Variants in WDPCP observed in about 807,000 individuals in gnomAD.
The protein encoded by WDPCP is WD repeat-containing and planar cell polarity effector protein fritz homolog.
In WDPCP, 71 loss-of-function variants were observed where a neutral mutation model predicts 93.1. The observed-to-expected ratio is 0.76, with a 90% CI of 0.63 to 0.93. The LOEUF (loss-of-function observed/expected upper bound fraction) is 0.93. WDPCP is among the 40% of genes least tolerant of loss of function. WDPCP has a pLI of 0.00. For synonymous variants in WDPCP, 315 were observed against 315.0 expected (o/e 1.00, Z 0.00); for missense variants, 844 against 887.4 (o/e 0.95, Z 0.62).
intron 12 of WDPCP, among the ~76,000 whole-genome samples, chr2:63,329,335 T>G (rs1181137505): frequency 6.6e-6 from 1 of 152,218 alleles, no homozygotes; most frequent in Non-Finnish European, 1.5e-5. Flanking sequence ...TGCTCCGGGT[T>G]CATCCATGTT....
chr2:63,339,942 A>G (rs1034850250), intron 12 of WDPCP, among the ~76,000 whole-genome samples: 2 of 152,092 alleles, frequency 1.3e-5, no homozygotes, highest in African/African-American at 4.8e-5. Context: ...TTTGCCATCT[A>G]TTGAAATAAT....
chr2:63,762,467 A>C (rs1472907175), intron 2 of WDPCP, among the ~76,000 whole-genome samples: 1 of 152,224 alleles, frequency 6.6e-6, no homozygotes, highest in Admixed American at 6.5e-5. Flanking sequence ...AATGCAGGAC[A>C]ATGTATGGTC....
chr2:63,684,810 T>C, intron 2 of WDPCP: 1 of 372,698 alleles, frequency 2.7e-6, no homozygotes, highest in Non-Finnish European at 5.1e-6. Flanking sequence ...TAAAAATCAA[T>C]AATAATAGGA....
At chr2:63,495,456 T>C (rs552541891) in intron 1 of WDPCP, among the ~76,000 whole-genome samples, 1 of 152,332 alleles carries the variant, frequency 6.6e-6, no homozygotes, top group East Asian at 1.9e-4. Context: ...ACTTACTGTA[T>C]TAGAATAAGT....
chr2:63,199,176 G>C (rs956725597), intron 14 of WDPCP, among the ~76,000 whole-genome samples: 10 of 152,174 alleles, frequency 6.6e-5, no homozygotes, highest in African/African-American at 2.4e-4. Context: ...GAGATGATCT[G>C]AAACTGGAAT....
At chr2:63,147,343 T>G (rs1046633330) in intron 17 of WDPCP, among the ~76,000 whole-genome samples, 1 of 152,164 alleles carries the variant, frequency 6.6e-6, no homozygotes, top group Non-Finnish European at 1.5e-5. Context: ...AGATGATTGA[T>G]TAACCTAAAT....
intron 12 of WDPCP, among the ~76,000 whole-genome samples, chr2:63,361,242 T>C (rs903238192): frequency 3.3e-5 from 5 of 152,176 alleles, no homozygotes; most frequent in Non-Finnish European, 7.4e-5. Flanking sequence ...TAGATGAGAA[T>C]ATTCAGAAAC....
intron 2 of WDPCP, among the ~76,000 whole-genome samples, chr2:63,719,272 T>C (rs934015331): frequency 1.3e-5 from 2 of 152,092 alleles, no homozygotes; most frequent in Non-Finnish European, 2.9e-5. Context: ...TAGAATGAGT[T>C]ATAGCCATAG....
chr2:63,664,497 G>T (rs995632603), intron 2 of WDPCP, among the ~76,000 whole-genome samples: 13 of 152,096 alleles, frequency 8.5e-5, no homozygotes, highest in African/African-American at 3.1e-4. Flanking sequence ...CTCCATGAGG[G>T]ACTCCTTCTT....
At chr2:63,517,472 C>A (rs1214553587) in intron 1 of WDPCP, among the ~76,000 whole-genome samples, 1 of 152,086 alleles carries the variant, frequency 6.6e-6, no homozygotes, top group Non-Finnish European at 1.5e-5. Context: ...TGCAATAAGT[C>A]TAAATGTATC....
intron 17 of WDPCP, among the ~76,000 whole-genome samples, chr2:63,125,970 T>A (rs1437657705): frequency 1.3e-5 from 2 of 150,512 alleles, no homozygotes; most frequent in African/African-American, 4.9e-5. Flanking sequence ...GGTCTCACTC[T>A]GTCACCCAGG....
At chr2:63,262,404 G>A (rs1229924586) in intron 13 of WDPCP, among the ~76,000 whole-genome samples, 1 of 151,966 alleles carries the variant, frequency 6.6e-6, no homozygotes, top group African/African-American at 2.4e-5. Context: ...AAACTCAGTG[G>A]AGCTCTAATC....
chr2:63,404,458 CTG>C lies in WDPCP; in HGVS notation c.1023_1024del (p.Ile341MetfsTer8). ...GTCTTCAGTAACATTCCTGCAGCAG[CTG>C]ATGGCCTTTGACTTTAGTGGTATTC... On this transcript the variant is annotated frameshift_variant, in exon 10 of 18. Coordinates refer to ENST00000272321, the MANE Select transcript of WDPCP (RefSeq NM_015910.7). LOFTEE classifies it high-confidence loss of function. 6.2e-7 allele frequency: 1 copy of C among 1,614,170 alleles called. No individual in the cohort carries two copies. The highest frequency in any genetic ancestry group is 8.5e-7 in the Non-Finnish European group (1 of 1,180,024).
chr2:63,638,640 T>C (rs965854425), intron 3 of WDPCP, among the ~76,000 whole-genome samples: 1 of 151,926 alleles, frequency 6.6e-6, no homozygotes, highest in African/African-American at 2.4e-5. Context: ...ATTTAAAAAA[T>C]TGACTAGGTA....
chr2:63,251,398 A>G (rs976013778), intron 14 of WDPCP, among the ~76,000 whole-genome samples: 2 of 151,578 alleles, frequency 1.3e-5, no homozygotes, highest in African/African-American at 2.4e-5. Flanking sequence ...GAAACACACA[A>G]CCTCCCAAGA....
intron 1 of WDPCP, among the ~76,000 whole-genome samples, chr2:63,558,138 G>A (rs958815271): frequency 1.3e-5 from 2 of 152,066 alleles, no homozygotes; most frequent in South Asian, 4.2e-4. Context: ...AGAACTGAAG[G>A]AGATAAGAGA....
intron 6 of WDPCP, among the ~76,000 whole-genome samples, chr2:63,477,569 C>G (rs76097307): frequency 0.018 from 2,721 of 152,172 alleles, 70 homozygotes; most frequent in African/African-American, 0.059. Flanking sequence ...ACACACAGAG[C>G]AGCACGTGGG....
intron 12 of WDPCP, among the ~76,000 whole-genome samples, chr2:63,314,340 T>G (rs1355434047): frequency 1.2e-4 from 18 of 152,074 alleles, no homozygotes; most frequent in Non-Finnish European, 1.8e-4. Flanking sequence ...GCTAATTTTT[T>G]GTATTTTTTG....
chr2:63,501,866 T>A (rs1701578125), intron 1 of WDPCP, among the ~76,000 whole-genome samples: 1 of 152,238 alleles, frequency 6.6e-6, no homozygotes, highest in Admixed American at 6.5e-5. Context: ...TCCACTGGCC[T>A]CAGCTTCCCA....
Sources: gnomAD v4.1 joint callset for allele counts (sites outside exome capture counted in the v4.1 genomes callset) on GRCh38, gnomAD v4.1.1 for gene constraint, MANE v1.5 for transcripts, NCBI Gene and HGNC (gene_info 2026-07-23, HGNC 2026-07-21) for gene names.